Variants in PRKD3 observed in about 807,000 individuals in gnomAD.
The protein encoded by PRKD3 is protein kinase D3.
PRKD3 carries 47 observed loss-of-function variants against 99.2 expected under a neutral mutation model. That is an observed-to-expected ratio of 0.47 (90% CI 0.38 to 0.60). The LOEUF (loss-of-function observed/expected upper bound fraction) is 0.60. Among genes scored for constraint, PRKD3 ranks in the 20% least tolerant of loss-of-function variants. PRKD3 has a pLI of 0.00. For missense variants in PRKD3, 1,019 were observed against 1,088.4 expected, an observed-to-expected ratio of 0.94 and a Z score of 0.90; for synonymous variants, 392 against 355.4, an observed-to-expected ratio of 1.10 and a Z score of -1.16.
chr2:37,256,960 A>G (rs2148482957), intron 16 of PRKD3, 31 bp from the exon 17 acceptor site: 15 of 1,611,846 alleles, frequency 9.3e-6, no homozygotes, highest in Non-Finnish European at 1.3e-5. Context: ...TTAATTTTGT[A>G]TTATAGTGTT....
rs752960300 is a variant in PRKD3, at chr2:37,289,365, G to A, written c.708C>T (p.Pro236=). Residue 236 remains proline (P), a synonymous_variant, in exon 5 of 19, where the codon CCC becomes CCT. Coordinates refer to ENST00000234179, the MANE Select transcript of PRKD3 (RefSeq NM_005813.6). ...RPLQPEYVAL[P]SEESHVHQEP... ...ACCTTAGAATACGTACCTCTTCACTGGGAAGGGCTACATATTCAGGCTGTA... is the reference window on the plus strand; with the variant it reads ...ACCTTAGAATACGTACCTCTTCACTAGGAAGGGCTACATATTCAGGCTGTA... The A allele has an allele frequency of 3.1e-6, 5 of 1,613,802 alleles. No individual in the cohort carries two copies. Among genetic ancestry groups the A allele is most frequent in the Non-Finnish European group, 4.2e-6 (5 of 1,179,910 alleles).
intron 2 of PRKD3, among the ~76,000 whole-genome samples, chr2:37,300,251 G>C (rs1670861120): frequency 6.6e-6 from 1 of 152,134 alleles, no homozygotes; most frequent in Non-Finnish European, 1.5e-5. Flanking sequence ...TAACATTTCA[G>C]TTGGTGAAAT....
Position 37,256,619 on chromosome 2 carries a change from AT to A in PRKD3, c.2413+42del, listed in dbSNP as rs1667961752. The A allele has an allele frequency of 2.7e-6, 4 of 1,469,560 alleles. No individual in the cohort carries two copies. The East Asian group carries it at 9.9e-5, about 36-fold the overall frequency. 91.0% of individuals were successfully genotyped at this position (1,469,560 alleles called of 1,614,324 possible). A position where few individuals can be genotyped will look rare whatever the true frequency, so the allele number is the denominator to read the frequency against. ...AGAAAGATGTTTAGGCTTAAAACAC[AT>A]AGCCAAAATTTTTTTTTTTTTTTTT... On this transcript the variant is annotated intron_variant, in intron 17 of 18. Coordinates refer to ENST00000234179, the MANE Select transcript of PRKD3 (RefSeq NM_005813.6).
At chr2:37,310,924 T>C (rs140965162) in intron 2 of PRKD3, among the ~76,000 whole-genome samples, 1 of 152,338 alleles carries the variant, frequency 6.6e-6, no homozygotes, top group East Asian at 1.9e-4. Flanking sequence ...TACACGTCTG[T>C]CCAGTTAACT....
At chr2:37,298,926 T>C (rs57861177) in intron 2 of PRKD3, among the ~76,000 whole-genome samples, 8,090 of 152,268 alleles carry the variant, frequency 0.053, 768 homozygotes, top group East Asian at 0.36. Context: ...TTCTTTCTCT[T>C]GTCTAATTGC....
chr2:37,267,554 AGAG>A lies in PRKD3; in HGVS notation c.1778-21_1778-19del, dbSNP rs767574134. 4 of 1,555,520 alleles carry A rather than the reference AGAG, an allele frequency of 2.6e-6. No homozygotes were observed. Among genetic ancestry groups the A allele is most frequent in the Non-Finnish European group, 3.5e-6 (4 of 1,131,284 alleles). ...ATGTTTTCCTATTAAGAAAAAAAGA[AGAG>A]GAACGAATGAAGCAAACTGACAGCT... On this transcript the variant is annotated intron_variant, in intron 13 of 18. Transcript: ENST00000234179.
intron 5 of PRKD3, among the ~76,000 whole-genome samples, chr2:37,287,512 C>T (rs978416204): frequency 6.6e-6 from 1 of 151,976 alleles, no homozygotes; most frequent in East Asian, 1.9e-4. Flanking sequence ...ACAAACATGA[C>T]TAGTTATAGA....
In PRKD3 at chr2:37,256,763, C is replaced by T. The variant is rs1667985969; in HGVS notation, c.2312G>A (p.Ser771Asn). 6.2e-7 allele frequency: 1 copy of T among 1,611,460 alleles called. No homozygotes were observed. The highest frequency in any genetic ancestry group is 8.5e-7 in the Non-Finnish European group (1 of 1,179,500). Residue 771 changes from serine to asparagine, a missense_variant, in exon 17 of 19, where the codon AGT (serine) becomes AAT (asparagine). Transcript: ENST00000234179. ...SVGVIIYVSL[S>N]GTFPFNEDED... ...ATCCTCATTAAAAGGAAATGTGCCACTGAGGCTCACATAGATGATAACTCC... is the reference window on the plus strand; with the variant it reads ...ATCCTCATTAAAAGGAAATGTGCCATTGAGGCTCACATAGATGATAACTCC...
intron 13 of PRKD3, 159 bp from the exon 14 acceptor site, chr2:37,267,695 A>G (rs1558536004): frequency 1.7e-6 from 1 of 591,914 alleles, no homozygotes; most frequent in Non-Finnish European, 2.9e-6. Context: ...AATTTAGGAA[A>G]AAATTGTTTT....
At chr2:37,305,998 C>T (rs1231136598) in intron 2 of PRKD3, among the ~76,000 whole-genome samples, 1 of 151,988 alleles carries the variant, frequency 6.6e-6, no homozygotes, top group Non-Finnish European at 1.5e-5. Flanking sequence ...CAACTACAAC[C>T]CAGGTGTCTC....
intron 2 of PRKD3, among the ~76,000 whole-genome samples, chr2:37,310,157 T>G (rs1425351349): frequency 8.9e-6 from 1 of 112,816 alleles, no homozygotes; most frequent in African/African-American, 3.2e-5. Flanking sequence ...TAAACTTAAT[T>G]GATAGTAGTT....
At position 37,290,861 on chromosome 2, in the gene PRKD3, C is replaced by G. The variant is rs1485923230; in HGVS notation, c.559+7G>C. The G allele has an allele frequency of 6.3e-7, 1 of 1,575,732 alleles. No individual in the cohort carries two copies. The highest frequency in any genetic ancestry group is 8.6e-7 in the Non-Finnish European group (1 of 1,162,688). The stretch of plus-strand genomic sequence containing the variant: ...TCAAATGACCACAAAAATTTTAGAA[C>G]ACACACCTTCACATTTCAGTCCTTG... On this transcript the variant is annotated splice_region_variant and intron_variant, in intron 4 of 18. Transcript: ENST00000234179.
chr2:37,265,783 G>T (rs1054607571), intron 14 of PRKD3, among the ~76,000 whole-genome samples: 3 of 152,022 alleles, frequency 2.0e-5, no homozygotes, highest in Admixed American at 2.0e-4. Context: ...TCCCAGTTTG[G>T]GCAATATTGA....
intron 6 of PRKD3, 32 bp from the exon 7 acceptor site, chr2:37,282,651 T>C (rs764914681): frequency 4.8e-6 from 7 of 1,451,254 alleles, no homozygotes; most frequent in Non-Finnish European, 6.8e-6. Flanking sequence ...TATTAATTTA[T>C]GTAAAAGTCA....
intron 2 of PRKD3, among the ~76,000 whole-genome samples, chr2:37,304,249 C>G (rs981662522): frequency 2.7e-5 from 4 of 147,524 alleles, no homozygotes; most frequent in African/African-American, 9.9e-5. Flanking sequence ...TAACTTAGCA[C>G]TAATAAATTA....
intron 13 of PRKD3, chr2:37,268,613 G>C: frequency 3.8e-6 from 1 of 262,080 alleles, no homozygotes; most frequent in Non-Finnish European, 7.5e-6. Flanking sequence ...TTATTTGATG[G>C]AGAAATAGGT....
chr2:37,285,227 C>T (rs1441515223), intron 6 of PRKD3, among the ~76,000 whole-genome samples: 1 of 152,116 alleles, frequency 6.6e-6, no homozygotes, highest in East Asian at 1.9e-4. Flanking sequence ...TTTCACTCTA[C>T]TGTGAAAAGT....
intron 3 of PRKD3, 39 bp downstream of exon 3, chr2:37,293,094 A>AG: frequency 6.6e-7 from 1 of 1,508,330 alleles, no homozygotes; most frequent in Non-Finnish European, 9.0e-7. Context: ...AGGCTCTTTG[A>AG]GGGGAAAAGG....
chr2:37,296,082 A>C (rs1670662884), intron 2 of PRKD3, among the ~76,000 whole-genome samples: 2 of 152,228 alleles, frequency 1.3e-5, no homozygotes, highest in Admixed American at 6.5e-5. Context: ...TTCTCTCCAG[A>C]AACTATAGCA....
Sources: allele counts gnomAD v4.1 joint callset (sites outside exome capture counted in the v4.1 genomes callset), GRCh38; gene constraint gnomAD v4.1.1; transcripts MANE v1.5; gene names NCBI Gene and HGNC (gene_info 2026-07-23, HGNC 2026-07-21).